Variants in SSH2 observed in about 807,000 individuals in gnomAD.
SSH2 encodes the protein protein phosphatase Slingshot homolog 2.
Under a neutral mutation model 135.2 loss-of-function variants are expected in SSH2, and 37 were observed. The ratio of observed to expected loss-of-function variants is 0.27; its 90% CI spans 0.21 to 0.36. The LOEUF (loss-of-function observed/expected upper bound fraction) is 0.36. Among genes scored for constraint, SSH2 ranks in the 10% least tolerant of loss-of-function variants. The pLI is 1.00. For missense variants in SSH2, 1,408 were observed against 1,765.3 expected, an observed-to-expected ratio of 0.80 and a Z score of 3.63; for synonymous variants, 628 against 646.2, an observed-to-expected ratio of 0.97 and a Z score of 0.43.
At chr17:29,724,528 CAAAA>C (rs1174810786) in intron 3 of SSH2, among the ~76,000 whole-genome samples, 1 of 60,594 alleles carries the variant, frequency 1.7e-5, no homozygotes, top group Non-Finnish European at 2.9e-5. Flanking sequence ...AACTCTGTCT[CAAAA>C]AAAAAAAAAA....
chr17:29,859,377 T>C (rs2065721075), intron 1 of SSH2, among the ~76,000 whole-genome samples: 1 of 152,136 alleles, frequency 6.6e-6, no homozygotes. Flanking sequence ...GTTTGCTTTA[T>C]AGATTATTTC....
chr17:29,706,389 G>A (rs1028244159), intron 3 of SSH2, among the ~76,000 whole-genome samples: 13 of 152,172 alleles, frequency 8.5e-5, no homozygotes, highest in South Asian at 2.1e-4. Context: ...AAATCTGCAT[G>A]CTGGCTGGGG....
At chr17:29,914,835 G>T (rs2066854035) in intron 1 of SSH2, among the ~76,000 whole-genome samples, 1 of 152,106 alleles carries the variant, frequency 6.6e-6, no homozygotes. Flanking sequence ...CCATTACCAA[G>T]ATGGTCATGC....
intron 1 of SSH2, among the ~76,000 whole-genome samples, chr17:29,892,851 C>T (rs1046889896): frequency 1.3e-5 from 2 of 151,860 alleles, no homozygotes; most frequent in Non-Finnish European, 2.9e-5. Context: ...CTTCCCGTAC[C>T]CTTTTCTTTC....
At chr17:29,646,565 T>C (rs1034176462) in intron 14 of SSH2, among the ~76,000 whole-genome samples, 3 of 152,126 alleles carry the variant, frequency 2.0e-5, no homozygotes, top group African/African-American at 4.8e-5. Context: ...AGTGGCGCGA[T>C]CTCAACTCAC....
At chr17:29,713,004 T>C (rs749313922) in intron 3 of SSH2, among the ~76,000 whole-genome samples, 2 of 152,112 alleles carry the variant, frequency 1.3e-5, no homozygotes, top group Non-Finnish European at 2.9e-5. Context: ...ACAGGACATA[T>C]TGCTAAATAA....
rs137987864 is a variant in SSH2, at chr17:29,877,716, C to T, written c.64-28787G>A. On this transcript the variant is annotated intron_variant, in intron 1 of 15. Transcript: ENST00000540801. ...GATAGAGAAGGATGGTTAACAGAGG[C>T]TGAGAAGAGTAGTAGAGGGGTGAAG... Among the ~76,000 whole-genome samples the T allele has an allele frequency of 1.7e-4, 26 of 150,840 alleles. No individual in the cohort carries two copies. The East Asian group carries it at 5.1e-3, about 29-fold the overall frequency.
At chr17:29,772,050 A>G (rs1276659591) in intron 3 of SSH2, among the ~76,000 whole-genome samples, 1 of 152,120 alleles carries the variant, frequency 6.6e-6, no homozygotes, top group African/African-American at 2.4e-5. Flanking sequence ...CCTTAGTAGA[A>G]AGGGGGCAGT....
intron 3 of SSH2, among the ~76,000 whole-genome samples, chr17:29,706,135 G>T (rs2039190731): frequency 6.6e-6 from 1 of 152,096 alleles, no homozygotes. Context: ...TGTAATTTAG[G>T]ACAAGTCTCA....
intron 2 of SSH2, among the ~76,000 whole-genome samples, chr17:29,797,125 G>GT (rs11412443): frequency 0.44 from 65,904 of 148,130 alleles, 14,624 homozygotes; most frequent in Non-Finnish European, 0.49. Flanking sequence ...CACCTGGCCA[G>GT]TTTTTTTTTT....
chr17:29,919,509 T>C (rs1286848038), intron 1 of SSH2, among the ~76,000 whole-genome samples: 1 of 152,140 alleles, frequency 6.6e-6, no homozygotes, highest in East Asian at 1.9e-4. Context: ...CAGGGTAGTT[T>C]ATAAAGGTAT....
At chr17:29,731,631 T>C (rs1177087918) in intron 3 of SSH2, among the ~76,000 whole-genome samples, 1 of 152,012 alleles carries the variant, frequency 6.6e-6, no homozygotes, top group African/African-American at 2.4e-5. Flanking sequence ...AATCTGTGCA[T>C]TTTTAGTAGA....
chr17:29,639,893 A>G (rs1825689752), intron 14 of SSH2, among the ~76,000 whole-genome samples: 2 of 152,056 alleles, frequency 1.3e-5, no homozygotes, highest in Non-Finnish European at 2.9e-5. Context: ...CCCAATTTCT[A>G]TCCCTCACCT....
At chr17:29,863,114 T>G (rs969742104) in intron 1 of SSH2, among the ~76,000 whole-genome samples, 1 of 152,146 alleles carries the variant, frequency 6.6e-6, no homozygotes, top group Non-Finnish European at 1.5e-5. Flanking sequence ...AGAGACCATA[T>G]GTGGCTTTTG....
intron 1 of SSH2, among the ~76,000 whole-genome samples, chr17:29,873,454 G>C (rs773450311): frequency 6.6e-6 from 1 of 152,084 alleles, no homozygotes; most frequent in African/African-American, 2.4e-5. Flanking sequence ...AGCTGCTCGG[G>C]AGGCTGAGGC....
At chr17:29,817,419 C>T (rs2042577251) in intron 2 of SSH2, among the ~76,000 whole-genome samples, 1 of 152,044 alleles carries the variant, frequency 6.6e-6, no homozygotes, top group Non-Finnish European at 1.5e-5. Flanking sequence ...GCATCTTATC[C>T]CCTTGAAGAG....
chr17:29,819,157 T>G (rs144124338), intron 2 of SSH2, among the ~76,000 whole-genome samples: 2,183 of 149,654 alleles, frequency 0.015, 67 homozygotes, highest in African/African-American at 0.051. Context: ...ACCGGGGAGG[T>G]GGAGGTTGTG....
chr17:29,782,960 A>T (rs1178286929), intron 3 of SSH2, among the ~76,000 whole-genome samples: 1 of 152,108 alleles, frequency 6.6e-6, no homozygotes, highest in Non-Finnish European at 1.5e-5. Flanking sequence ...ACCTCAGTTG[A>T]TCTTCCCGTC....
rs549433365 is a variant in SSH2, at chr17:29,765,721, A to G, written c.188+28173T>C. The stretch of plus-strand genomic sequence containing the variant: ...GTAATGTTTACCTCACGGGCTGATT[A>G]AGATACAGGGACAAAAGGCTGGGCA... On this transcript the variant is annotated intron_variant, in intron 3 of 15. Transcript: ENST00000540801. 2.0e-5 allele frequency among the ~76,000 whole-genome samples: 3 copies of G among 152,196 alleles called. 1 individual carries two copies. Among genetic ancestry groups the G allele is most frequent in the African/African-American group, 7.2e-5 (3 of 41,534 alleles).
Sources: allele counts gnomAD v4.1 joint callset (sites outside exome capture counted in the v4.1 genomes callset), GRCh38; gene constraint gnomAD v4.1.1; transcripts MANE v1.5; gene names NCBI Gene and HGNC (gene_info 2026-07-23, HGNC 2026-07-21).